Variants in SIPA1L2 observed in about 807,000 individuals in gnomAD.
SIPA1L2 encodes the protein signal-induced proliferation-associated 1-like protein 2.
A neutral mutation model predicts 163.9 loss-of-function variants in SIPA1L2; 56 were observed. That is an observed-to-expected ratio of 0.34 (90% CI 0.28 to 0.43). SIPA1L2 has a LOEUF of 0.43. Among genes scored for constraint, SIPA1L2 ranks in the 20% least tolerant of loss-of-function variants. The pLI, the probability that SIPA1L2 is intolerant of heterozygous loss-of-function variation, is 1.00. For synonymous variants in SIPA1L2, 877 were observed against 865.7 expected, an observed-to-expected ratio of 1.01 and a Z score of -0.23; for missense variants, 1,974 against 2,193.5, an observed-to-expected ratio of 0.90 and a Z score of 2.00.
intron 18 of SIPA1L2, among the ~76,000 whole-genome samples, chr1:232,421,912 G>C (rs1035377768): frequency 1.3e-5 from 2 of 152,166 alleles, no homozygotes; most frequent in African/African-American, 4.8e-5. Flanking sequence ...CATTCTGATA[G>C]GAAGATTTCA....
chr1:232,593,381 C>T (rs1052034021), intron 1 of SIPA1L2, among the ~76,000 whole-genome samples: 7 of 152,132 alleles, frequency 4.6e-5, no homozygotes, highest in Non-Finnish European at 7.3e-5. Context: ...GGGCTGTGTG[C>T]TTTCAGCTTC....
chr1:232,578,274 C>A (rs577218387), intron 1 of SIPA1L2, among the ~76,000 whole-genome samples: 12 of 151,606 alleles, frequency 7.9e-5, no homozygotes, highest in Admixed American at 3.3e-4. Context: ...AAAAAAAAAT[C>A]TGTGTGACTT....
chr1:232,547,097 T>G (rs1658074687), intron 2 of SIPA1L2, among the ~76,000 whole-genome samples: 1 of 152,084 alleles, frequency 6.6e-6, no homozygotes, highest in Non-Finnish European at 1.5e-5. Context: ...AGTAATACCA[T>G]AAGGAAGTGG....
rs1553286505 is a variant in SIPA1L2 at position 232,445,581 on chromosome 1, C to T, written c.3301G>A (p.Ala1101Thr). 1.2e-6 allele frequency: 2 copies of T among 1,613,974 alleles called. No homozygotes were observed. The highest frequency in any genetic ancestry group is 8.5e-7 in the Non-Finnish European group (1 of 1,179,994). The change falls in exon 11 of 23, where the codon GCT becomes ACT. Residue 1101 changes from alanine (A) to threonine (T), a missense_variant. By Grantham distance (58) the Ala-to-Thr change is moderately conservative. Around this residue, in one of 3 missense-constraint regions of SIPA1L2, gnomAD observed 1,079 missense variants for 1,150.7 expected, o/e 0.94. Transcript: ENST00000674635. ...AAGGAGGTGCTTCGAGGAATGGCAG[C>T]CTGGGCCTGCTGGAGCAGCTGTTGG... ...PCQQLLQQAQ[A>T]AIPRSTSFDR...
intron 2 of SIPA1L2, among the ~76,000 whole-genome samples, chr1:232,568,247 C>T (rs972817538): frequency 6.6e-6 from 1 of 152,220 alleles, no homozygotes; most frequent in Non-Finnish European, 1.5e-5. Context: ...GCACATGAAG[C>T]AGCAGAGAAA....
intron 2 of SIPA1L2, among the ~76,000 whole-genome samples, chr1:232,536,398 G>A (rs1054514064): frequency 5.3e-5 from 8 of 152,172 alleles, no homozygotes; most frequent in Non-Finnish European, 7.3e-5. Context: ...ATTCAGAGAT[G>A]CTCAAAACTA....
At chr1:232,474,874 T>C (rs1664963448) in intron 7 of SIPA1L2, among the ~76,000 whole-genome samples, 1 of 152,212 alleles carries the variant, frequency 6.6e-6, no homozygotes, top group African/African-American at 2.4e-5. Flanking sequence ...AATTAGACAG[T>C]ATCTGCTAGC....
At chr1:232,416,462 C>T (rs1661271117) in intron 18 of SIPA1L2, among the ~76,000 whole-genome samples, 2 of 152,180 alleles carry the variant, frequency 1.3e-5, no homozygotes, top group African/African-American at 4.8e-5. Flanking sequence ...CTTTTGAGTA[C>T]ATCCAGGTCT....
intron 8 of SIPA1L2, among the ~76,000 whole-genome samples, chr1:232,466,067 T>C (rs778560272): frequency 2.6e-5 from 4 of 152,024 alleles, no homozygotes; most frequent in Admixed American, 6.5e-5. Flanking sequence ...GCTACCAAAC[T>C]AATACAGGGG....
intron 18 of SIPA1L2, among the ~76,000 whole-genome samples, chr1:232,417,280 G>A (rs988902509): frequency 2.6e-5 from 4 of 152,086 alleles, no homozygotes; most frequent in South Asian, 4.2e-4. Flanking sequence ...TTACAGCTAC[G>A]CCAATTTTCC....
chr1:232,530,731 A>G (rs1656864079), intron 2 of SIPA1L2, among the ~76,000 whole-genome samples: 1 of 152,200 alleles, frequency 6.6e-6, no homozygotes, highest in South Asian at 2.1e-4. Context: ...GCAGCCCTGG[A>G]ATCTAGAATT....
chr1:232,492,345 C>CT (rs1330629632), intron 4 of SIPA1L2, among the ~76,000 whole-genome samples: 1 of 151,978 alleles, frequency 6.6e-6, no homozygotes, highest in Non-Finnish European at 1.5e-5. Flanking sequence ...TAATTCTTTT[C>CT]TTTTTTAAGA....
At chr1:232,432,932 G>A (rs1662336168) in intron 15 of SIPA1L2, among the ~76,000 whole-genome samples, 1 of 152,178 alleles carries the variant, frequency 6.6e-6, no homozygotes, top group South Asian at 2.1e-4. Context: ...AGTAAGAACT[G>A]GGGCAATAGG....
intron 12 of SIPA1L2, among the ~76,000 whole-genome samples, chr1:232,442,444 A>C (rs1198706901): frequency 6.6e-6 from 1 of 151,446 alleles, no homozygotes; most frequent in Non-Finnish European, 1.5e-5. Flanking sequence ...GCTACCCAGG[A>C]GGCTGAGGCA....
chr1:232,625,823 C>T (rs1263600780), intron 1 of SIPA1L2, among the ~76,000 whole-genome samples: 1 of 152,122 alleles, frequency 6.6e-6, no homozygotes, highest in Non-Finnish European at 1.5e-5. Flanking sequence ...AATCACCACC[C>T]GTTACTTGCA....
At chr1:232,607,895 A>T (rs1419663497) in intron 1 of SIPA1L2, among the ~76,000 whole-genome samples, 1 of 151,882 alleles carries the variant, frequency 6.6e-6, no homozygotes, top group African/African-American at 2.4e-5. Flanking sequence ...GTTTCTACTA[A>T]AAATACAAAA....
chr1:232,525,146 T>C lies in SIPA1L2; in HGVS notation c.-269-9538A>G, dbSNP rs139572095. On this transcript the variant is annotated intron_variant, in intron 2 of 22. Transcript: ENST00000674635. The stretch of plus-strand genomic sequence containing the variant: ...ATGAACAATACCTACTGTTGATTAA[T>C]TTAACGTTTTTTTTTTATGGCAGGT... Among the ~76,000 whole-genome samples the C allele has an allele frequency of 7.0e-3, 1,055 of 150,978 alleles. 29 individuals are homozygous for C. The South Asian group carries it at 0.078, about 11-fold the overall frequency.
At chr1:232,432,564 T>G (rs2102834662) in intron 15 of SIPA1L2, 93 bp from the exon 16 acceptor site, 2 of 1,216,694 alleles carry the variant, frequency 1.6e-6, no homozygotes, top group Non-Finnish European at 2.3e-6. Context: ...TTTACTCAAG[T>G]CTTTCTCCGA....
intron 1 of SIPA1L2, among the ~76,000 whole-genome samples, chr1:232,595,972 A>T (rs1354832281): frequency 6.6e-6 from 1 of 152,216 alleles, no homozygotes; most frequent in Non-Finnish European, 1.5e-5. Context: ...CACTGCCCAT[A>T]GAGCTCACTG....
Sources: gnomAD v4.1 joint callset for allele counts (sites outside exome capture counted in the v4.1 genomes callset) on GRCh38, gnomAD v4.1.1 for gene constraint, gnomAD v4.1.1 regional missense constraint, MANE v1.5 for transcripts, NCBI Gene and HGNC (gene_info 2026-07-23, HGNC 2026-07-21) for gene names.